The following TUT4 variants were observed in gnomAD, a reference collection of about 807,000 sequenced individuals.
TUT4 encodes the protein terminal uridylyltransferase 4.
Under a neutral mutation model 192.2 loss-of-function variants are expected in TUT4, and 36 were observed. That is an observed-to-expected ratio of 0.19 (90% confidence interval 0.14 to 0.25). The LOEUF (loss-of-function observed/expected upper bound fraction) is 0.25. TUT4 is among the 10% of genes least tolerant of loss of function. The pLI is 1.00. For synonymous variants in TUT4, 618 were observed against 666.0 expected (o/e 0.93, Z 1.11); for missense variants, 1,493 against 1,957.2 (o/e 0.76, Z 4.47).
chr1:52,504,403 G>T (rs992283872), intron 4 of TUT4, among the ~76,000 whole-genome samples: 1 of 152,096 alleles, frequency 6.6e-6, no homozygotes. Context: ...AGGCTGACGC[G>T]GGTGGATCAG....
chr1:52,536,410 T>C (rs960372594), intron 1 of TUT4, among the ~76,000 whole-genome samples: 1 of 152,088 alleles, frequency 6.6e-6, no homozygotes, highest in African/African-American at 2.4e-5. Flanking sequence ...ATTATAATTC[T>C]ATAAAAAATC....
chr1:52,539,725 G>C (rs1288849780), intron 1 of TUT4, among the ~76,000 whole-genome samples: 1 of 151,704 alleles, frequency 6.6e-6, no homozygotes, highest in Admixed American at 6.6e-5. Context: ...CTGACAACAT[G>C]GTGAAACCCT....
In TUT4 at chr1:52,461,597, A is replaced by G; in HGVS notation, c.3147T>C (p.Pro1049=). 1 of 1,611,864 alleles carries G rather than the reference A, an allele frequency of 6.2e-7. No homozygotes were observed. Among genetic ancestry groups the G allele is most frequent in the Non-Finnish European group, 8.5e-7 (1 of 1,179,182 alleles). ...CTATAGGCACTTTGGCAGTAGTTAT[A>G]GGCAAAATGTTTCTTAAACCTAATT... ...KRHPGLRNIL[P]ITTAKVPIVK... is the part of the protein sequence containing the mutation. Residue 1049 remains proline (P), a synonymous_variant, in exon 18 of 30, where the codon CCT becomes CCC. Transcript: ENST00000257177.
chr1:52,484,699 C>A (rs1227000549), intron 9 of TUT4, among the ~76,000 whole-genome samples: 6 of 152,128 alleles, frequency 3.9e-5, no homozygotes, highest in Non-Finnish European at 7.4e-5. Flanking sequence ...ATCATCTGAG[C>A]ATTCTATTCT....
rs7525531 is a variant in TUT4, at chr1:52,510,514, A to C, written c.883-802T>G. On this transcript the variant is annotated intron_variant, in intron 3 of 29. Coordinates refer to ENST00000257177, the MANE Select transcript of TUT4 (RefSeq NM_001009881.3). Reference sequence around the variant, plus strand: ...AAATTTCAAAAGTTGAGTTCGAAAAACACTCCAATCACAGTATCATGGGGA... The same window carrying C: ...AAATTTCAAAAGTTGAGTTCGAAAACCACTCCAATCACAGTATCATGGGGA... Among the ~76,000 whole-genome samples, 1,326 of 152,248 alleles carry C rather than the reference A, an allele frequency of 8.7e-3. 22 individuals are homozygous for C. Among genetic ancestry groups the C allele is most frequent in the African/African-American group, 0.03 (1,258 of 41,550 alleles).
At chr1:52,516,429 C>T (rs1342865340) in intron 2 of TUT4, among the ~76,000 whole-genome samples, 1 of 152,212 alleles carries the variant, frequency 6.6e-6, no homozygotes, top group African/African-American at 2.4e-5. Flanking sequence ...GAAGATTAGT[C>T]ACTGAACTAA....
At chr1:52,457,057 T>G (rs1007364965) in intron 20 of TUT4, among the ~76,000 whole-genome samples, 1 of 151,978 alleles carries the variant, frequency 6.6e-6, no homozygotes, top group African/African-American at 2.4e-5. Context: ...CAAACATACA[T>G]CACCCAACAC....
intron 18 of TUT4, 96 bp from the exon 19 acceptor site, chr1:52,461,319 T>C (rs1441955067): frequency 4.8e-6 from 6 of 1,248,268 alleles, no homozygotes; most frequent in South Asian, 1.5e-5. Context: ...ATACAAAATA[T>C]ATAAATGTAA....
intron 20 of TUT4, among the ~76,000 whole-genome samples, chr1:52,455,970 T>C (rs1159957582): frequency 6.6e-6 from 1 of 152,200 alleles, no homozygotes; most frequent in Non-Finnish European, 1.5e-5. Flanking sequence ...GAAAACTATG[T>C]CCATACAAAA....
chr1:52,455,820 C>T (rs1442750578), intron 20 of TUT4, among the ~76,000 whole-genome samples: 1 of 152,030 alleles, frequency 6.6e-6, no homozygotes, highest in African/African-American at 2.4e-5. Context: ...TGTGGAGCAA[C>T]AGGAACTCTC....
At chr1:52,455,066 C>T (rs1406404908) in intron 20 of TUT4, among the ~76,000 whole-genome samples, 1 of 152,154 alleles carries the variant, frequency 6.6e-6, no homozygotes, top group African/African-American at 2.4e-5. Flanking sequence ...AGGCAAATTA[C>T]TTGAGCCCAG....
chr1:52,436,969 C>G lies in TUT4; in HGVS notation c.3948G>C (p.Leu1316=), dbSNP rs940834604. The G allele has an allele frequency of 1.5e-5, 25 of 1,613,640 alleles. No homozygotes were observed. The highest frequency in any genetic ancestry group is 2.2e-5 in the East Asian group (1 of 44,886). The stretch of plus-strand genomic sequence containing the variant: ...CACTGTCTTTCTTCTTTAGTCTAAA[C>G]AGTAAACTGCTGATACCAATAATGT... The part of the protein sequence containing the change: ...KDCPKRKSSL[L]FRLKKKDSEE... Residue 1316 remains leucine, a synonymous_variant, in exon 26 of 30, where the codon CTG becomes CTC. Coordinates refer to ENST00000257177, the MANE Select transcript of TUT4 (RefSeq NM_001009881.3).
intron 28 of TUT4, among the ~76,000 whole-genome samples, chr1:52,426,872 TGGG>T (rs899883731): frequency 4.0e-5 from 6 of 151,884 alleles, no homozygotes; most frequent in Admixed American, 1.3e-4. Flanking sequence ...ATTTGAAAAA[TGGG>T]GGAAAAAAAC....
In TUT4 at chr1:52,477,697, T is replaced by C; in HGVS notation, c.2023+11A>G. 2.5e-6 allele frequency: 4 copies of C among 1,601,864 alleles called. No homozygotes were observed. The highest frequency in any genetic ancestry group is 3.4e-6 in the Non-Finnish European group (4 of 1,174,878). Reference sequence around the variant, plus strand: ...AATATTCTCCAAATGAAATACAACATATCATCTCACCTTCAATGGCTATTC... The same window carrying C: ...AATATTCTCCAAATGAAATACAACACATCATCTCACCTTCAATGGCTATTC... On this transcript the variant is annotated intron_variant, in intron 12 of 29. Transcript: ENST00000257177.
intron 9 of TUT4, among the ~76,000 whole-genome samples, chr1:52,488,683 C>T (rs150072488): frequency 6.6e-6 from 1 of 152,204 alleles, no homozygotes; most frequent in African/African-American, 2.4e-5. Flanking sequence ...TATAGCATGA[C>T]AATTAAAAAT....
Position 52,461,722 on chromosome 1 carries a change from C to A in TUT4, c.3117G>T (p.Lys1039Asn). 1 of 1,507,294 alleles carries A rather than the reference C, an allele frequency of 6.6e-7. No homozygotes were observed. Among genetic ancestry groups the A allele is most frequent in the South Asian group, 1.2e-5 (1 of 81,062 alleles). 93.4% of individuals were successfully genotyped at this position (1,507,294 alleles called of 1,614,324 possible). ...ATTCAAAATTCATACCTGGATGTCT[C>A]TTAAGAATTTTTGCCAAATTTTCAA... Reference protein sequence around the residue: ...EIIENLAKILKRHPGLRNILP... With the variant: ...EIIENLAKILNRHPGLRNILP... Residue 1039 changes from lysine to asparagine, a missense_variant, in exon 17 of 30, where the codon AAG (lysine) becomes AAT (asparagine). Lys to Asn is a moderately conservative substitution (Grantham distance 94). Coordinates refer to ENST00000257177, the MANE Select transcript of TUT4 (RefSeq NM_001009881.3).
At chr1:52,480,618 T>C (rs1290990826) in intron 11 of TUT4, among the ~76,000 whole-genome samples, 2 of 152,336 alleles carry the variant, frequency 1.3e-5, no homozygotes, top group East Asian at 3.9e-4. Context: ...AGAGCATGTT[T>C]GATTTTGTAG....
intron 20 of TUT4, among the ~76,000 whole-genome samples, chr1:52,456,411 C>CAAAAAAA (rs1157223640): frequency 9.2e-4 from 11 of 11,996 alleles, no homozygotes; most frequent in Non-Finnish European, 1.3e-3. Context: ...GACTGTGTCT[C>CAAAAAAA]AAAAAAAAAA....
In TUT4 at chr1:52,481,546, A is replaced by C. The variant is rs751996436; in HGVS notation, c.1725T>G (p.Ser575Arg). The C allele has an allele frequency of 6.2e-6, 10 of 1,613,876 alleles. No individual in the cohort carries two copies. In the South Asian group the frequency reaches 9.9e-5, roughly 16 times the overall value. The part of the protein sequence containing the change: ...EKFVKWECNS[S>R]SATEKNSIAE... ...CAATTGAGTTTTTCTCAGTTGCACT[A>C]CTTGAATTACATTCCCACTTCACAA... Residue 575 changes from serine (S) to arginine (R), a missense_variant, in exon 11 of 30, where the codon AGT becomes AGG. Ser to Arg is a moderately radical substitution (Grantham distance 110). Transcript: ENST00000257177.
Sources: gnomAD v4.1 joint callset for allele counts (sites outside exome capture counted in the v4.1 genomes callset) on GRCh38, gnomAD v4.1.1 for gene constraint, MANE v1.5 for transcripts, NCBI Gene and HGNC (gene_info 2026-07-23, HGNC 2026-07-21) for gene names.